The following MITF variants were observed in gnomAD, a reference collection of about 807,000 sequenced individuals.
The protein encoded by MITF is microphthalmia-associated transcription factor.
In MITF, 17 loss-of-function variants were observed where a neutral mutation model predicts 60.5. The observed-to-expected ratio is 0.28, with a 90% CI of 0.19 to 0.42. The LOEUF (loss-of-function observed/expected upper bound fraction) is 0.42, where lower values mean the gene tolerates loss of function less well. Ranked by LOEUF, MITF falls within the 10% of genes least tolerant of loss-of-function variation. MITF has a pLI of 1.00. For missense variants in MITF, 622 were observed against 683.5 expected, an observed-to-expected ratio of 0.91 and a Z score of 1.00; for synonymous variants, 260 against 248.5, an observed-to-expected ratio of 1.05 and a Z score of -0.43.
chr3:69,865,056 G>T (rs537766487), intron 1 of MITF, among the ~76,000 whole-genome samples: 63 of 152,274 alleles, frequency 4.1e-4, no homozygotes, highest in African/African-American at 1.5e-3. Context: ...CTGGGACACA[G>T]TTGGTGTTCC....
At chr3:69,792,906 A>G (rs754645424) in intron 1 of MITF, among the ~76,000 whole-genome samples, 1 of 151,474 alleles carries the variant, frequency 6.6e-6, no homozygotes, top group South Asian at 2.1e-4. Context: ...TACCCTGTAT[A>G]ATATTTGAAG....
chr3:69,908,819 C>T lies in MITF; in HGVS notation c.355-29003C>T, dbSNP rs1302362569. Reference sequence around the variant, plus strand: ...GACAATCTGAGAATATTTGTCCCTACGTGAGCTAACACAGTCTTTTAAGAT... The same window carrying T: ...GACAATCTGAGAATATTTGTCCCTATGTGAGCTAACACAGTCTTTTAAGAT... On this transcript the variant is annotated intron_variant, in intron 2 of 9. Transcript: ENST00000352241. Among the ~76,000 whole-genome samples, 9 of 152,240 alleles carry T rather than the reference C, an allele frequency of 5.9e-5. No individual in the cohort carries two copies. The East Asian group carries it at 7.7e-4, about 13-fold the overall frequency.
intron 2 of MITF, among the ~76,000 whole-genome samples, chr3:69,904,965 A>T (rs1446856015): frequency 1.3e-5 from 2 of 152,168 alleles, no homozygotes; most frequent in African/African-American, 2.4e-5. Flanking sequence ...TATTATTTTT[A>T]AAAGTTTTAT....
At position 69,957,754 on chromosome 3, in the gene MITF, C is replaced by G. The variant is rs114653093; in HGVS notation, c.1031+1224C>G. ...AATTATGGGGCTGCAGTGAAAGCCT[C>G]TATTTGCATATCTTCTTTCCCCGTT... On this transcript the variant is annotated intron_variant, in intron 8 of 9. Coordinates refer to ENST00000352241, the MANE Select transcript of MITF (RefSeq NM_001354604.2). Among the ~76,000 whole-genome samples the G allele has an allele frequency of 8.6e-3, 1,311 of 152,342 alleles. 15 individuals carry two copies. The highest frequency in any genetic ancestry group is 0.03 in the African/African-American group (1,237 of 41,588).
At chr3:69,921,303 C>T (rs948089860) in intron 2 of MITF, among the ~76,000 whole-genome samples, 1 of 152,184 alleles carries the variant, frequency 6.6e-6, no homozygotes, top group African/African-American at 2.4e-5. Context: ...CCTTTATTTA[C>T]TATTTTATCA....
chr3:69,759,663 T>A (rs1260815675), intron 1 of MITF, among the ~76,000 whole-genome samples: 1 of 152,254 alleles, frequency 6.6e-6, no homozygotes, highest in Non-Finnish European at 1.5e-5. Flanking sequence ...CTCTAGCAGT[T>A]CTTCCTCTGG....
intron 1 of MITF, among the ~76,000 whole-genome samples, chr3:69,814,868 A>G (rs1036689530): frequency 5.3e-5 from 8 of 152,076 alleles, no homozygotes; most frequent in Admixed American, 5.2e-4. Flanking sequence ...TGGCACTTTG[A>G]TGTTCAGGGA....
intron 2 of MITF, among the ~76,000 whole-genome samples, chr3:69,884,826 C>T (rs990116066): frequency 6.6e-6 from 1 of 152,106 alleles, no homozygotes; most frequent in Admixed American, 6.6e-5. Flanking sequence ...TGCAGAAAGT[C>T]ATCTTCGCTT....
intron 1 of MITF, among the ~76,000 whole-genome samples, chr3:69,782,304 T>C (rs576822431): frequency 6.6e-6 from 1 of 152,358 alleles, no homozygotes; most frequent in African/African-American, 2.4e-5. Context: ...TTATCATCTC[T>C]ATCAATCAGT....
At chr3:69,907,510 A>C (rs946816005) in intron 2 of MITF, among the ~76,000 whole-genome samples, 1 of 152,196 alleles carries the variant, frequency 6.6e-6, no homozygotes, top group Non-Finnish European at 1.5e-5. Context: ...ATGATGGACA[A>C]CTTTGAGATC....
At chr3:69,791,088 A>G (rs2062732447) in intron 1 of MITF, among the ~76,000 whole-genome samples, 1 of 152,200 alleles carries the variant, frequency 6.6e-6, no homozygotes, top group African/African-American at 2.4e-5. Flanking sequence ...TATAGTCCCA[A>G]TGCCCTTTTT....
intron 1 of MITF, among the ~76,000 whole-genome samples, chr3:69,832,122 C>A (rs9880541): frequency 0.022 from 3,357 of 152,238 alleles, 118 homozygotes; most frequent in African/African-American, 0.076. Context: ...TCATTTTGTT[C>A]ACTCTCATGG....
chr3:69,880,634 C>A (rs1034776330), intron 2 of MITF, among the ~76,000 whole-genome samples: 6 of 151,934 alleles, frequency 3.9e-5, no homozygotes, highest in African/African-American at 1.4e-4. Flanking sequence ...GTAGATGATG[C>A]ATTGAATCTT....
rs373274886 is a variant in MITF at position 69,939,286 on chromosome 3, G to GT, written c.666+119dup. The GT allele has an allele frequency of 0.24, 165,467 of 692,770 alleles. No individual in the cohort carries two copies. Among genetic ancestry groups the GT allele is most frequent in the South Asian group, 0.3 (15,245 of 51,232 alleles). The allele number at this position is 692,770 out of a possible 1,614,324, so 42.9% of individuals were successfully genotyped here. A position where few individuals can be genotyped will look rare whatever the true frequency, so the allele number is the denominator to read the frequency against. On this transcript the variant is annotated intron_variant, in intron 4 of 9. Coordinates refer to ENST00000352241, the MANE Select transcript of MITF (RefSeq NM_001354604.2). The stretch of plus-strand genomic sequence containing the variant: ...AACTTAAGCATTTTTTTCCCCCATT[G>GT]TTTTTTTTTTTTTTATAGAGAAAGC...
chr3:69,774,716 A>G (rs865881769), intron 1 of MITF, among the ~76,000 whole-genome samples: 2 of 152,038 alleles, frequency 1.3e-5, no homozygotes, highest in Admixed American at 6.6e-5. Context: ...CTCCCTGTGT[A>G]TGTTGGGGTG....
At chr3:69,802,563 T>C (rs541668345) in intron 1 of MITF, among the ~76,000 whole-genome samples, 2 of 152,176 alleles carry the variant, frequency 1.3e-5, no homozygotes, top group African/African-American at 4.8e-5. Flanking sequence ...TGAGGTGATG[T>C]GTGAGGGAAC....
chr3:69,760,194 A>G (rs968567916), intron 1 of MITF, among the ~76,000 whole-genome samples: 3 of 152,186 alleles, frequency 2.0e-5, no homozygotes, highest in African/African-American at 7.2e-5. Flanking sequence ...CAGATTTTTA[A>G]TCATTCTTTA....
At chr3:69,854,005 A>C (rs1017249303) in intron 1 of MITF, among the ~76,000 whole-genome samples, 2 of 151,840 alleles carry the variant, frequency 1.3e-5, no homozygotes, top group Non-Finnish European at 2.9e-5. Flanking sequence ...GCACGCCACC[A>C]CGCCTGGCTA....
rs1329464107 is a variant in MITF at position 69,897,267 on chromosome 3, C to A, written c.354+17884C>A. On this transcript the variant is annotated intron_variant, in intron 2 of 9. Transcript: ENST00000352241. ...AGGAATGCAGTTGGAGGTGGGGAGG[C>A]GATCAAAATGATTTGGGGAATGAGT... 2.0e-5 allele frequency among the ~76,000 whole-genome samples: 3 copies of A among 151,842 alleles called. No individual in the cohort carries two copies. The South Asian group carries it at 6.3e-4, about 32-fold the overall frequency.
Sources: gnomAD v4.1 joint callset for allele counts (sites outside exome capture counted in the v4.1 genomes callset) on GRCh38, gnomAD v4.1.1 for gene constraint, MANE v1.5 for transcripts, NCBI Gene and HGNC (gene_info 2026-07-23, HGNC 2026-07-21) for gene names.